Variants in SLA2 observed in about 807,000 individuals in gnomAD.
The protein encoded by SLA2 is Src like adaptor 2.
SLA2 carries 22 observed loss-of-function variants against 27.3 expected under a neutral mutation model. The ratio of observed to expected loss-of-function variants is 0.81; its 90% CI spans 0.58 to 1.15. The LOEUF (loss-of-function observed/expected upper bound fraction) is 1.15. Among genes scored for constraint, SLA2 ranks in the 50% most tolerant of loss-of-function variants. The pLI, the probability that SLA2 is intolerant of heterozygous loss-of-function variation, is 0.00. For synonymous variants in SLA2, 131 were observed against 137.8 expected, an observed-to-expected ratio of 0.95 and a Z score of 0.34; for missense variants, 304 against 322.2, an observed-to-expected ratio of 0.94 and a Z score of 0.43.
rs780459328 is a variant in SLA2 at position 36,613,892 on chromosome 20, C to T, written c.760G>A (p.Glu254Lys). The change falls in exon 8 of 8, where the codon GAG (glutamate) becomes AAG (lysine). Residue 254 changes from glutamate (E) to lysine (K), a missense_variant. Transcript: ENST00000262866. The stretch of plus-strand genomic sequence containing the variant: ...TAGGCATCATCCAAAGAGACAGCCT[C>T]GTCATTCAGGCTGATGTAGAAGCTG... ...SLSFYISLND[E>K]AVSLDDA 5.1e-5 allele frequency: 83 copies of T among 1,613,836 alleles called. No individual in the cohort carries two copies. Among genetic ancestry groups the T allele is most frequent in the South Asian group, 1.8e-4 (16 of 91,078 alleles).
intron 1 of SLA2, among the ~76,000 whole-genome samples, chr20:36,644,868 G>GT (rs3066378): frequency 3.5e-4 from 28 of 80,630 alleles, no homozygotes; most frequent in Non-Finnish European, 5.2e-4. Context: ...AGAATATTGT[G>GT]TTTTTTTTTT....
At chr20:36,614,827 T>C (rs2039188886) in intron 6 of SLA2, 1 of 985,308 alleles carries the variant, frequency 1.0e-6, no homozygotes, top group African/African-American at 1.7e-5. Flanking sequence ...CCCCTGACGC[T>C]GTGCCCAGTG....
intron 5 of SLA2, among the ~76,000 whole-genome samples, chr20:36,625,474 T>C (rs1248089215): frequency 6.6e-6 from 1 of 152,012 alleles, no homozygotes; most frequent in African/African-American, 2.4e-5. Context: ...TTCCCCCGCC[T>C]CGGCCTCTCA....
chr20:36,627,204 A>G (rs28626700), intron 5 of SLA2, among the ~76,000 whole-genome samples: 7,752 of 152,232 alleles, frequency 0.051, 679 homozygotes, highest in African/African-American at 0.18. Context: ...CTGGACGCGG[A>G]GCCTAGAGGA....
intron 5 of SLA2, among the ~76,000 whole-genome samples, chr20:36,629,028 T>C (rs1390453189): frequency 1.3e-5 from 2 of 151,982 alleles, no homozygotes; most frequent in African/African-American, 4.8e-5. Context: ...GAATTGACTA[T>C]GGGGACCTGG....
chr20:36,639,126 G>A (rs145811477), intron 2 of SLA2, among the ~76,000 whole-genome samples: 2,263 of 152,336 alleles, frequency 0.015, 63 homozygotes, highest in African/African-American at 0.051. Flanking sequence ...GATTACAGGC[G>A]TGAGCCACTG....
At position 36,640,763 on chromosome 20, in the gene SLA2, C is replaced by T. The variant is rs1239626111; in HGVS notation, c.91+482G>A. Among the ~76,000 whole-genome samples the T allele has an allele frequency of 3.9e-5, 6 of 152,088 alleles. No homozygotes were observed. The East Asian group carries it at 9.6e-4, about 24-fold the overall frequency. ...AACTCCTGACCTCAGGTTATCTGCCCGCCTTGGCCTCCCAAAGTGCTGGGA... is the reference window on the plus strand; with the variant it reads ...AACTCCTGACCTCAGGTTATCTGCCTGCCTTGGCCTCCCAAAGTGCTGGGA... On this transcript the variant is annotated intron_variant, in intron 2 of 7. Transcript: ENST00000262866.
chr20:36,640,893 G>A (rs932875237), intron 2 of SLA2, among the ~76,000 whole-genome samples: 4 of 152,166 alleles, frequency 2.6e-5, no homozygotes, highest in African/African-American at 9.7e-5. Context: ...TCTGGGGGCT[G>A]GGGAGGTGGG....
chr20:36,619,831 A>C (rs1040917685), intron 5 of SLA2, among the ~76,000 whole-genome samples: 8 of 150,488 alleles, frequency 5.3e-5, no homozygotes, highest in Non-Finnish European at 7.4e-5. Context: ...ACGGGGTTTC[A>C]CCATGTTAGC....
intron 2 of SLA2, among the ~76,000 whole-genome samples, chr20:36,638,774 G>A (rs866866364): frequency 9.9e-5 from 15 of 152,234 alleles, no homozygotes; most frequent in Admixed American, 8.5e-4. Context: ...AATTTTATGT[G>A]TCATTGTGGC....
In SLA2 at chr20:36,614,836, T is replaced by G. The variant is rs184702714; in HGVS notation, c.532+389A>C. 2.6e-5 allele frequency: 26 copies of G among 985,406 alleles called. No individual in the cohort carries two copies. The Admixed American group carries it at 1.2e-3, about 47-fold the overall frequency. The allele number at this position is 985,406 out of a possible 1,614,324, so 61.0% of individuals were successfully genotyped here. ...CTCTGCCCCCTGACGCTGTGCCCAG[T>G]GACTGCATCTTCCAGTGTCTGTTGA... On this transcript the variant is annotated intron_variant, in intron 6 of 7. Coordinates refer to ENST00000262866, the MANE Select transcript of SLA2 (RefSeq NM_032214.4).
chr20:36,629,600 C>G (rs2039373716), intron 5 of SLA2, among the ~76,000 whole-genome samples: 1 of 151,928 alleles, frequency 6.6e-6, no homozygotes, highest in African/African-American at 2.4e-5. Context: ...ATGATGAAAC[C>G]CTGTCTCTAC....
rs759973425 is a variant in SLA2 at position 36,614,428 on chromosome 20, T to C, written c.542A>G (p.Asp181Gly). Residue 181 changes from aspartate to glycine, a missense_variant, in exon 7 of 8, where the codon GAT (aspartate) becomes GGT (glycine). Physicochemically the swap from Asp to Gly is moderately conservative, Grantham distance 94 (BLOSUM62 -1). Coordinates refer to ENST00000262866, the MANE Select transcript of SLA2 (RefSeq NM_032214.4). ...CTCCTTGAGTAGGCAGCAGATGTCA[T>C]CCGCCAGCTCTGAGGAAGAGACCTC... ...ALVDHYSELADDICCLLKEPC... is the reference protein window; with the variant it reads ...ALVDHYSELAGDICCLLKEPC... 5 of 1,608,030 alleles carry C rather than the reference T, an allele frequency of 3.1e-6. No homozygotes were observed. The Admixed American group carries it at 8.5e-5, about 27-fold the overall frequency.
chr20:36,630,433 CAGG>C (rs1671273809), intron 5 of SLA2, among the ~76,000 whole-genome samples: 1 of 152,172 alleles, frequency 6.6e-6, no homozygotes, highest in African/African-American at 2.4e-5. Context: ...AGGCGGGCGC[CAGG>C]AGGTCTGTCC....
chr20:36,628,391 A>G (rs1057247093), intron 5 of SLA2, among the ~76,000 whole-genome samples: 1 of 152,128 alleles, frequency 6.6e-6, no homozygotes, highest in African/African-American at 2.4e-5. Context: ...TTTCACTACA[A>G]ACACGCACTG....
chr20:36,634,906 A>G (rs1475606692), intron 2 of SLA2, among the ~76,000 whole-genome samples: 1 of 151,854 alleles, frequency 6.6e-6, no homozygotes, highest in African/African-American at 2.4e-5. Flanking sequence ...ATTAGGCTCA[A>G]TGCAGCCTTG....
At chr20:36,625,519 C>G (rs916421651) in intron 5 of SLA2, among the ~76,000 whole-genome samples, 2 of 151,896 alleles carry the variant, frequency 1.3e-5, no homozygotes, top group South Asian at 2.1e-4. Flanking sequence ...CCACTGTGCC[C>G]GGCCATGATT....
intron 6 of SLA2, chr20:36,614,820 C>T: frequency 1.0e-6 from 1 of 985,446 alleles, no homozygotes; most frequent in Non-Finnish European, 1.2e-6. Context: ...TCTCTGCCCC[C>T]TGACGCTGTG....
intron 5 of SLA2, among the ~76,000 whole-genome samples, chr20:36,619,753 C>T (rs1185844006): frequency 1.3e-5 from 2 of 150,418 alleles, no homozygotes; most frequent in Admixed American, 1.3e-4. Context: ...GTCTCAGCCT[C>T]CCAAATAGCT....
Sources: allele counts gnomAD v4.1 joint callset (sites outside exome capture counted in the v4.1 genomes callset), GRCh38; gene constraint gnomAD v4.1.1; transcripts MANE v1.5; gene names NCBI Gene and HGNC (gene_info 2026-07-23, HGNC 2026-07-21).